The following RBM5 variants were observed in gnomAD, a reference collection of about 807,000 sequenced individuals.
RBM5 encodes RNA binding motif protein 5, also known as RNA-binding protein 5.
In RBM5, 15 loss-of-function variants were observed where a neutral mutation model predicts 124.6. That is an observed-to-expected ratio of 0.12 (90% CI 0.08 to 0.19). RBM5 has a LOEUF of 0.19. Ranked by LOEUF, RBM5 falls within the 10% of genes least tolerant of loss-of-function variation. RBM5 has a pLI of 1.00. For synonymous variants in RBM5, 337 were observed against 361.2 expected (o/e 0.93, Z 0.76); for missense variants, 580 against 1,026.5 (o/e 0.57, Z 5.94).
chr3:50,092,013 C>G (rs1280926727), intron 2 of RBM5, 30 bp from the exon 3 acceptor site: 1 of 1,609,840 alleles, frequency 6.2e-7, no homozygotes, highest in Non-Finnish European at 8.5e-7. Flanking sequence ...ATGTGACTGA[C>G]TTTAGAATGA....
At chr3:50,111,080 C>G (rs758916754) in intron 17 of RBM5, among the ~76,000 whole-genome samples, 2 of 152,180 alleles carry the variant, frequency 1.3e-5, no homozygotes, top group African/African-American at 2.4e-5. Context: ...ATTCCCAGCC[C>G]ACCTAATCCT....
intron 6 of RBM5, 166 bp from the exon 7 acceptor site, chr3:50,102,917 C>T: frequency 1.6e-6 from 1 of 615,762 alleles, no homozygotes; most frequent in South Asian, 1.9e-5. Flanking sequence ...CTCTTACTGC[C>T]TATCTGAAGG....
At position 50,109,928 on chromosome 3, in the gene RBM5, C is replaced by T. The variant is rs1471008226; in HGVS notation, c.1278+240C>T. On this transcript the variant is annotated intron_variant, in intron 15 of 24. Coordinates refer to ENST00000347869, the MANE Select transcript of RBM5 (RefSeq NM_005778.4). The stretch of plus-strand genomic sequence containing the variant: ...TGCTTGACCTTTAGAAAGTTGTCGC[C>T]GGGGCCGGGTGTGGTGGCTCGCGCC... The T allele has an allele frequency of 1.8e-5, 7 of 381,600 alleles. No individual in the cohort carries two copies. In the East Asian group the frequency reaches 1.9e-4, roughly 11 times the overall value. 23.6% of individuals were successfully genotyped at this position (381,600 alleles called of 1,614,324 possible).
intron 22 of RBM5, chr3:50,116,458 G>C (rs545975870): frequency 5.7e-6 from 1 of 174,436 alleles, no homozygotes; most frequent in Non-Finnish European, 1.2e-5. Flanking sequence ...CAAGCAGTTA[G>C]TGCTGGTGGT....
At chr3:50,090,775 G>T (rs1477869297) in intron 2 of RBM5, among the ~76,000 whole-genome samples, 2 of 152,196 alleles carry the variant, frequency 1.3e-5, no homozygotes, top group Non-Finnish European at 2.9e-5. Flanking sequence ...AGAAGGGCAG[G>T]GTAGAGTGGG....
chr3:50,100,837 T>C lies in RBM5; in HGVS notation c.483+232T>C. ...TACCTGGCAGGGCTTTGTTAACTAC[T>C]GAATACCTGTCTGGTAATCACTAAA... On this transcript the variant is annotated intron_variant, in intron 6 of 24. Transcript: ENST00000347869. The surrounding 1 kb of genome is among the most constrained non-coding windows in gnomAD (Gnocchi z 5.1). 6.9e-6 allele frequency: 3 copies of C among 434,846 alleles called. No homozygotes were observed. Among genetic ancestry groups the C allele is most frequent in the Non-Finnish European group, 1.2e-5 (3 of 243,878 alleles). The allele number at this position is 434,846 out of a possible 1,614,324, so 26.9% of individuals were successfully genotyped here.
chr3:50,114,126 A>C (rs1315907875), intron 19 of RBM5, 27 bp downstream of exon 19: 1 of 1,614,182 alleles, frequency 6.2e-7, no homozygotes, highest in African/African-American at 1.3e-5. Flanking sequence ...CCAGTATGTC[A>C]TGATGGGAAC....
intron 4 of RBM5, chr3:50,094,087 A>C (rs62263596): frequency 0.069 from 31,710 of 459,850 alleles, 1,269 homozygotes; most frequent in African/African-American, 0.1. Context: ...AAGTCTAAAC[A>C]TGAAATTCAT....
chr3:50,092,707 A>G (rs747485970), intron 3 of RBM5: 82 of 451,842 alleles, frequency 1.8e-4, no homozygotes, highest in Non-Finnish European at 3.2e-4. Context: ...AGATGAAACA[A>G]TGGGGTTATG....
At chr3:50,091,934 A>C in intron 2 of RBM5, 109 bp from the exon 3 acceptor site, 1 of 1,045,618 alleles carries the variant, frequency 9.6e-7, no homozygotes, top group Non-Finnish European at 1.3e-6. Flanking sequence ...ACTTTAAACT[A>C]TTTGGATTAT....
At chr3:50,096,228 C>T (rs1236326007) in intron 4 of RBM5, among the ~76,000 whole-genome samples, 20 of 151,850 alleles carry the variant, frequency 1.3e-4, no homozygotes. Context: ...GTAACTCATG[C>T]CTGTAATCCC....
intron 17 of RBM5, chr3:50,112,636 CCT>C (rs1288125140): frequency 2.0e-5 from 3 of 152,124 alleles, no homozygotes; most frequent in African/African-American, 7.3e-5. Context: ...GTGTTTACAC[CCT>C]GTGTGTGGTT....
intron 7 of RBM5, among the ~76,000 whole-genome samples, chr3:50,103,810 T>C (rs1472177306): frequency 3.3e-5 from 5 of 152,228 alleles, no homozygotes; most frequent in Non-Finnish European, 7.3e-5. Flanking sequence ...TAAAGTTATA[T>C]AAGGTTTACC....
At position 50,117,424 on chromosome 3, in the gene RBM5, C is replaced by T. The variant is rs1469532039; in HGVS notation, c.2322+45C>T. ...CTTGATGTTTGCCAGGCTTACAGGC[C>T]GGTTCCAGAGATGAGATCAGAGCAC... On this transcript the variant is annotated intron_variant, in intron 24 of 24. Transcript: ENST00000347869. This position sits in a 1 kb window ranked among gnomAD's most constrained non-coding sequence, Gnocchi z 4.2. 1.1e-5 allele frequency: 18 copies of T among 1,608,424 alleles called. No homozygotes were observed. Among genetic ancestry groups the T allele is most frequent in the African/African-American group, 9.4e-5 (7 of 74,754 alleles).
rs867941879 is a variant in RBM5 at position 50,103,071 on chromosome 3, C to A, written c.484-12C>A. The A allele has an allele frequency of 1.1e-5, 17 of 1,580,118 alleles. No homozygotes were observed. The Middle Eastern group carries it at 2.0e-3, about 186-fold the overall frequency. ...TCACAATGGGAATAACTAATTACTT[C>A]TTTTCTTACAGAAAAAGTTGGTGAT... On this transcript the variant is annotated splice_polypyrimidine_tract_variant and intron_variant, in intron 6 of 24. Transcript: ENST00000347869.
chr3:50,103,952 G>C (rs918959804), intron 7 of RBM5, among the ~76,000 whole-genome samples: 1 of 152,204 alleles, frequency 6.6e-6, no homozygotes, highest in Admixed American at 6.6e-5. Flanking sequence ...GTGCTCTGTT[G>C]ATACAAGGAA....
chr3:50,092,234 C>T (rs373295694), intron 3 of RBM5, 26 bp downstream of exon 3: 31 of 1,605,034 alleles, frequency 1.9e-5, no homozygotes, highest in Non-Finnish European at 1.7e-6. Context: ...CTGTATAACC[C>T]CCCAAAACAC....
At chr3:50,101,649 C>T (rs1181169201) in intron 6 of RBM5, 1 of 152,312 alleles carries the variant, frequency 6.6e-6, no homozygotes, top group East Asian at 1.9e-4. Context: ...AGTCTGCTTT[C>T]TTGACATGAT....
intron 15 of RBM5, among the ~76,000 whole-genome samples, chr3:50,110,097 GCTA>G (rs2091115108): frequency 6.6e-6 from 1 of 152,206 alleles, no homozygotes; most frequent in African/African-American, 2.4e-5. Flanking sequence ...TGTAATCCCA[GCTA>G]CTCGGGAGGC....
Sources: gnomAD v4.1 joint callset for allele counts (sites outside exome capture counted in the v4.1 genomes callset) on GRCh38, gnomAD v4.1.1 for gene constraint, Gnocchi (gnomAD v3.1) non-coding constraint, MANE v1.5 for transcripts, NCBI Gene and HGNC (gene_info 2026-07-23, HGNC 2026-07-21) for gene names.